Variants in RBFOX1 observed in about 807,000 individuals in gnomAD.
RBFOX1 encodes the protein RNA binding fox-1 homolog 1, also known as RNA binding protein fox-1 homolog 1.
A neutral mutation model predicts 57.7 loss-of-function variants in RBFOX1; 8 were observed. The observed-to-expected ratio is 0.14, with a 90% CI of 0.08 to 0.25. RBFOX1 has a LOEUF of 0.25. RBFOX1 is among the 10% of genes least tolerant of loss of function. The pLI is 1.00. For missense variants in RBFOX1, 611 were observed against 548.5 expected (o/e 1.11, Z -1.14); for synonymous variants, 326 against 222.4 (o/e 1.47, Z -4.15).
chr16:7,707,547 G>C lies in RBFOX1; in HGVS notation c.996-1509G>C, dbSNP rs61292481. Among the ~76,000 whole-genome samples the C allele has an allele frequency of 0.012, 1,898 of 152,130 alleles. 141 individuals carry two copies. In the East Asian group the frequency reaches 0.22, roughly 17 times the overall value. On this transcript the variant is annotated intron_variant, in intron 14 of 15. Coordinates refer to ENST00000550418, the MANE Select transcript of RBFOX1 (RefSeq NM_018723.4). ...GGTCAAAGAATCAAAAAACGATGTC[G>C]ATCCCAGTGAGTGTCTGATGCATTC...
chr16:6,427,084 T>C (rs558421965), intron 2 of RBFOX1, among the ~76,000 whole-genome samples: 1 of 152,332 alleles, frequency 6.6e-6, no homozygotes, highest in South Asian at 2.1e-4. Flanking sequence ...GAAGGGTTGA[T>C]ATGCTGTAGA....
rs959564676 is a variant in RBFOX1, at chr16:6,905,458, C to G, written c.-15-146599C>G. Among the ~76,000 whole-genome samples, 3 of 151,202 alleles carry G rather than the reference C, an allele frequency of 2.0e-5. No homozygotes were observed. The East Asian group carries it at 5.9e-4, about 29-fold the overall frequency. On this transcript the variant is annotated intron_variant, in intron 3 of 15. Coordinates refer to ENST00000550418, the MANE Select transcript of RBFOX1 (RefSeq NM_018723.4). ...ATCCCAGCTACTTGGGAGTCTGAGG[C>G]AGGAGAATGGCTTGAACCCGGGAGG...
chr16:7,505,370 G>C (rs1004873238), intron 4 of RBFOX1, among the ~76,000 whole-genome samples: 76 of 152,164 alleles, frequency 5.0e-4, no homozygotes, highest in African/African-American at 1.5e-3. Flanking sequence ...GGCAAGACAG[G>C]GTCCTCTGAG....
chr16:6,772,858 TTG>T (rs372542676), intron 3 of RBFOX1, among the ~76,000 whole-genome samples: 3 of 111,032 alleles, frequency 2.7e-5, no homozygotes, highest in Non-Finnish European at 3.7e-5. Flanking sequence ...TGGGATGCAT[TTG>T]TGTGTGTGTG....
chr16:6,714,935 A>G (rs1335399876), intron 3 of RBFOX1, among the ~76,000 whole-genome samples: 1 of 152,194 alleles, frequency 6.6e-6, no homozygotes, highest in Admixed American at 6.5e-5. Context: ...GGAGCTGAAG[A>G]CTTAAGTTGT....
chr16:6,744,940 C>T (rs2073218054), intron 3 of RBFOX1, among the ~76,000 whole-genome samples: 1 of 151,836 alleles, frequency 6.6e-6, no homozygotes. Context: ...CACTTTTAGC[C>T]AGGCTTAGTA....
chr16:5,543,633 G>C (rs1454284174), intron 2 of RBFOX1, among the ~76,000 whole-genome samples: 1 of 152,112 alleles, frequency 6.6e-6, no homozygotes, highest in Admixed American at 6.6e-5. Context: ...ACAGATAGTG[G>C]CTTAAAATTT....
intron 4 of RBFOX1, among the ~76,000 whole-genome samples, chr16:7,256,507 C>T (rs2094690638): frequency 6.6e-6 from 1 of 152,146 alleles, no homozygotes; most frequent in African/African-American, 2.4e-5. Context: ...CCTTCCTAAT[C>T]ACCATTCCCC....
chr16:7,518,538 GT>G, intron 5 of RBFOX1, 149 bp downstream of exon 5: 1 of 997,138 alleles, frequency 1.0e-6, no homozygotes, highest in Non-Finnish European at 1.4e-6. Flanking sequence ...GCTTCCTGAA[GT>G]TTACCTCATT....
intron 1 of RBFOX1, among the ~76,000 whole-genome samples, chr16:6,131,170 C>T (rs1186280982): frequency 6.6e-6 from 1 of 152,148 alleles, no homozygotes; most frequent in Non-Finnish European, 1.5e-5. Context: ...GGAAGGGGCA[C>T]CAGAGGACTA....
At chr16:6,869,496 C>G (rs145726994) in intron 3 of RBFOX1, among the ~76,000 whole-genome samples, 4 of 151,458 alleles carry the variant, frequency 2.6e-5, no homozygotes, top group African/African-American at 9.7e-5. Flanking sequence ...ATGTAAATGC[C>G]CTGAGTTTTT....
chr16:5,297,840 A>C (rs762891376), intron 1 of RBFOX1, among the ~76,000 whole-genome samples: 12 of 152,222 alleles, frequency 7.9e-5, no homozygotes, highest in Non-Finnish European at 1.6e-4. Flanking sequence ...TCACATTATG[A>C]AACACTTATT....
In RBFOX1 at chr16:6,318,018, C is replaced by T. The variant is rs551734406; in HGVS notation, c.-64+961C>T. On this transcript the variant is annotated intron_variant, in intron 2 of 15. Coordinates refer to ENST00000550418, the MANE Select transcript of RBFOX1 (RefSeq NM_018723.4). ...GCAGGTAGAATTGGAGGACATGGGA[C>T]TCCAGGCCTGCAAGAGGCTGATCAA... 2.6e-3 allele frequency among the ~76,000 whole-genome samples: 402 copies of T among 152,238 alleles called. 1 individual carries two copies. The highest frequency in any genetic ancestry group is 0.01 in the Middle Eastern group (3 of 292).
At chr16:7,335,456 T>G (rs915774362) in intron 4 of RBFOX1, among the ~76,000 whole-genome samples, 3 of 152,184 alleles carry the variant, frequency 2.0e-5, no homozygotes, top group African/African-American at 7.2e-5. Context: ...GTATTATAGT[T>G]GGAGATTACT....
At chr16:5,552,670 T>G (rs1185410086) in intron 2 of RBFOX1, among the ~76,000 whole-genome samples, 1 of 152,198 alleles carries the variant, frequency 6.6e-6, no homozygotes, top group Non-Finnish European at 1.5e-5. Context: ...CGACTCACAT[T>G]GAGAAACTCT....
At chr16:7,378,747 A>G (rs954254249) in intron 4 of RBFOX1, among the ~76,000 whole-genome samples, 11 of 152,010 alleles carry the variant, frequency 7.2e-5, no homozygotes, top group African/African-American at 1.7e-4. Flanking sequence ...GCTTTTCTCA[A>G]TGGCTGATCT....
intron 1 of RBFOX1, among the ~76,000 whole-genome samples, chr16:6,296,709 C>T (rs908796792): frequency 9.2e-5 from 14 of 152,252 alleles, no homozygotes; most frequent in East Asian, 1.9e-4. Flanking sequence ...CGTGAGCCAC[C>T]GTACCCAGCC....
intron 4 of RBFOX1, among the ~76,000 whole-genome samples, chr16:5,955,415 A>T (rs1209506844): frequency 6.7e-6 from 1 of 148,228 alleles, no homozygotes; most frequent in African/African-American, 2.5e-5. Context: ...ATAAAATAAA[A>T]GTCTTTCCTC....
intron 4 of RBFOX1, among the ~76,000 whole-genome samples, chr16:5,896,341 A>G (rs181090055): frequency 2.6e-4 from 39 of 152,210 alleles, no homozygotes; most frequent in Non-Finnish European, 5.1e-4. Context: ...TTTCATGAAT[A>G]TATTAATCCC....
Sources: gnomAD v4.1 joint callset for allele counts (sites outside exome capture counted in the v4.1 genomes callset) on GRCh38, gnomAD v4.1.1 for gene constraint, MANE v1.5 for transcripts, NCBI Gene and HGNC (gene_info 2026-07-23, HGNC 2026-07-21) for gene names.